DPP6: variants seen among roughly 807,000 people sequenced by gnomAD.
DPP6 encodes the protein dipeptidyl peptidase like 6.
Under a neutral mutation model 122.6 loss-of-function variants are expected in DPP6, and 69 were observed. That is an observed-to-expected ratio of 0.56 (90% CI 0.46 to 0.69). The LOEUF (loss-of-function observed/expected upper bound fraction) is 0.69. Among genes scored for constraint, DPP6 ranks in the 30% least tolerant of loss-of-function variants. The pLI is 0.00. For missense variants in DPP6, 928 were observed against 1,116.9 expected (o/e 0.83, Z 2.41); for synonymous variants, 418 against 433.1 (o/e 0.97, Z 0.43).
At chr7:154,181,037 C>G (rs1373472223) in intron 1 of DPP6, among the ~76,000 whole-genome samples, 1 of 152,146 alleles carries the variant, frequency 6.6e-6, no homozygotes, top group African/African-American at 2.4e-5. Flanking sequence ...GTACTGACTC[C>G]TGTAGCTATC....
chr7:154,779,046 C>T (rs1348911058), intron 10 of DPP6, among the ~76,000 whole-genome samples: 1 of 137,920 alleles, frequency 7.3e-6, no homozygotes, highest in East Asian at 2.2e-4. Flanking sequence ...ACCACCACAA[C>T]TACCCCCACC....
intron 5 of DPP6, among the ~76,000 whole-genome samples, chr7:154,634,478 C>T (rs1835605466): frequency 6.6e-6 from 1 of 152,128 alleles, no homozygotes; most frequent in Non-Finnish European, 1.5e-5. Context: ...GACACATGCA[C>T]ATGTATGTTT....
intron 5 of DPP6, among the ~76,000 whole-genome samples, chr7:154,575,739 A>ATG (rs1365305877): frequency 3.8e-5 from 4 of 106,300 alleles, no homozygotes; most frequent in African/African-American, 1.1e-4. Flanking sequence ...TGGTATGTGT[A>ATG]TGTGTGTGTG....
chr7:154,143,780 C>T (rs1207693703), intron 1 of DPP6, among the ~76,000 whole-genome samples: 1 of 151,602 alleles, frequency 6.6e-6, no homozygotes, highest in African/African-American at 2.4e-5. Flanking sequence ...GGCTGCTTGG[C>T]ATTCATTTCT....
At chr7:154,216,121 A>G (rs4507683) in intron 1 of DPP6, among the ~76,000 whole-genome samples, 10,180 of 152,212 alleles carry the variant, frequency 0.067, 698 homozygotes, top group African/African-American at 0.18. Flanking sequence ...ATCTGAACAG[A>G]GGAGAAGCCC....
At chr7:154,512,529 C>T (rs936715606) in intron 3 of DPP6, among the ~76,000 whole-genome samples, 3 of 152,144 alleles carry the variant, frequency 2.0e-5, no homozygotes, top group Non-Finnish European at 4.4e-5. Flanking sequence ...TGACTTAATC[C>T]TCATTTACAT....
intron 1 of DPP6, among the ~76,000 whole-genome samples, chr7:154,320,197 G>T (rs780352572): frequency 6.6e-6 from 1 of 151,836 alleles, no homozygotes; most frequent in Non-Finnish European, 1.5e-5. Context: ...AATATTTTAC[G>T]TTTGTTTTTT....
intron 1 of DPP6, among the ~76,000 whole-genome samples, chr7:154,127,448 C>T (rs183528172): frequency 5.6e-4 from 86 of 152,258 alleles, no homozygotes; most frequent in Admixed American, 4.7e-3. Flanking sequence ...CCCTCATGCA[C>T]GGCCCTCACT....
intron 1 of DPP6, among the ~76,000 whole-genome samples, chr7:154,202,464 A>G (rs912302568): frequency 3.3e-5 from 5 of 152,170 alleles, no homozygotes; most frequent in African/African-American, 1.2e-4. Flanking sequence ...ATAATCATAT[A>G]TTTTGGCCAG....
At chr7:154,682,580 A>C (rs568939585) in intron 7 of DPP6, among the ~76,000 whole-genome samples, 30 of 152,332 alleles carry the variant, frequency 2.0e-4, no homozygotes, top group African/African-American at 7.0e-4. Context: ...AACAGAAGAT[A>C]ATTTGCTCAC....
Position 154,060,329 on chromosome 7 carries a change from A to G in DPP6, c.243+7266A>G, listed in dbSNP as rs979445020. ...TGGCTCTTAGGACCCCCATCGCAGG[A>G]GGGGGAGGCACCCCCCGCGAGGCAG... On this transcript the variant is annotated intron_variant, in intron 1 of 25. Transcript: ENST00000377770. Among the ~76,000 whole-genome samples the G allele has an allele frequency of 3.3e-3, 152 of 45,770 alleles. 2 individuals carry two copies. Among genetic ancestry groups the G allele is most frequent in the Admixed American group, 5.9e-3 (26 of 4,370 alleles). The allele number at this position is 45,770 out of a possible 152,430, so 30.0% of individuals were successfully genotyped here. A position where few individuals can be genotyped will look rare whatever the true frequency, so the allele number is the denominator to read the frequency against.
rs1221541432 is a variant in DPP6, at chr7:154,600,760, T to G, written c.627+33844T>G. Among the ~76,000 whole-genome samples the G allele has an allele frequency of 9.0e-5, 11 of 121,644 alleles. 3 individuals are homozygous for G. The highest frequency in any genetic ancestry group is 7.7e-3 in the Middle Eastern group (2 of 260). The allele number at this position is 121,644 out of a possible 152,430, so 79.8% of individuals were successfully genotyped here. A position where few individuals can be genotyped will look rare whatever the true frequency, so the allele number is the denominator to read the frequency against. ...TTGTTGTCATAGTTTAATCATGAAC[T>G]GTTTCAAGTGTACAGAAAAGTACAG... On this transcript the variant is annotated intron_variant, in intron 5 of 25. Coordinates refer to ENST00000377770, the MANE Select transcript of DPP6 (RefSeq NM_130797.4).
At chr7:153,827,204 T>C in the DPP6 span, among the ~76,000 whole-genome samples, 2 of 152,230 alleles carry the variant, frequency 1.3e-5, no homozygotes, top group Non-Finnish European at 1.5e-5. Context: ...ACACTGAAGT[T>C]TAAGTTATGC....
intron 1 of DPP6, among the ~76,000 whole-genome samples, chr7:154,269,881 C>G (rs1365350041): frequency 6.6e-6 from 1 of 152,058 alleles, no homozygotes; most frequent in Admixed American, 6.6e-5. Flanking sequence ...GTATAGCTGC[C>G]GTATACCGTA....
intron 7 of DPP6, among the ~76,000 whole-genome samples, chr7:154,696,847 G>A (rs1840247894): frequency 6.6e-6 from 1 of 152,232 alleles, no homozygotes; most frequent in Non-Finnish European, 1.5e-5. Context: ...CCAGAGTGGA[G>A]TTAGGAGCCG....
intron 8 of DPP6, among the ~76,000 whole-genome samples, chr7:154,734,066 G>A (rs756807344): frequency 3.3e-5 from 5 of 152,212 alleles, no homozygotes; most frequent in South Asian, 2.1e-4. Flanking sequence ...AGCCTTGGAC[G>A]GTTCGACGCA....
chr7:154,646,300 C>A (rs562016531), intron 6 of DPP6, among the ~76,000 whole-genome samples: 2 of 152,262 alleles, frequency 1.3e-5, no homozygotes, highest in South Asian at 4.1e-4. Context: ...ATTCTCCCAT[C>A]CGGCTGTGTA....
chr7:154,433,109 G>A (rs895791677), intron 1 of DPP6, among the ~76,000 whole-genome samples: 2 of 148,582 alleles, frequency 1.3e-5, no homozygotes, highest in Non-Finnish European at 3.0e-5. Flanking sequence ...AGTTCCTGTA[G>A]GTAATGGCTC....
At chr7:154,756,070 G>A (rs866495619) in intron 8 of DPP6, among the ~76,000 whole-genome samples, 40 of 152,318 alleles carry the variant, frequency 2.6e-4, no homozygotes, top group Middle Eastern at 3.4e-3. Flanking sequence ...GCAGGACAGC[G>A]GTCATCTGCT....
Sources: allele counts gnomAD v4.1 joint callset (sites outside exome capture counted in the v4.1 genomes callset), GRCh38; gene constraint gnomAD v4.1.1; transcripts MANE v1.5; gene names NCBI Gene and HGNC (gene_info 2026-07-23, HGNC 2026-07-21).